SLCO5A1: variants seen among roughly 807,000 people sequenced by gnomAD.
The protein encoded by SLCO5A1 is solute carrier organic anion transporter family member 5A1, also known as organic anion transporter polypeptide-related protein 4.
A neutral mutation model predicts 65.1 loss-of-function variants in SLCO5A1; 39 were observed. The ratio of observed to expected loss-of-function variants is 0.60; its 90% CI spans 0.46 to 0.78. The LOEUF (loss-of-function observed/expected upper bound fraction) is 0.78, where lower values mean the gene tolerates loss of function less well. Among genes scored for constraint, SLCO5A1 ranks in the 30% least tolerant of loss-of-function variants. The probability of loss-of-function intolerance (pLI) is 0.00; values close to 1 mark genes in which losing one functional copy is unlikely to be tolerated. For synonymous variants in SLCO5A1, 438 were observed against 415.7 expected (o/e 1.05, Z -0.65); for missense variants, 1,029 against 1,069.4 (o/e 0.96, Z 0.53).
chr8:69,825,264 G>C (rs1331665017), intron 2 of SLCO5A1, among the ~76,000 whole-genome samples: 1 of 152,094 alleles, frequency 6.6e-6, no homozygotes, highest in Non-Finnish European at 1.5e-5. Context: ...CATAGTGTTG[G>C]GAAGTTCTGG....
intron 8 of SLCO5A1, among the ~76,000 whole-genome samples, chr8:69,677,248 T>C (rs1444376061): frequency 6.6e-6 from 1 of 152,232 alleles, no homozygotes; most frequent in Non-Finnish European, 1.5e-5. Flanking sequence ...TAAAAACTTA[T>C]ACTCCAAGTT....
intron 2 of SLCO5A1, among the ~76,000 whole-genome samples, chr8:69,828,608 AAAAG>A (rs1283029923): frequency 6.4e-5 from 9 of 141,374 alleles, no homozygotes; most frequent in Admixed American, 2.1e-4. Flanking sequence ...CTCAAAAAAA[AAAAG>A]AAAAGAAAAG....
At chr8:69,730,849 G>A (rs1454923547) in intron 5 of SLCO5A1, among the ~76,000 whole-genome samples, 1 of 152,044 alleles carries the variant, frequency 6.6e-6, no homozygotes, top group African/African-American at 2.4e-5. Context: ...TGGAGAGCTC[G>A]GCTGTTGAAA....
intron 4 of SLCO5A1, among the ~76,000 whole-genome samples, chr8:69,754,135 G>C (rs1487884262): frequency 6.6e-6 from 1 of 151,958 alleles, no homozygotes; most frequent in Non-Finnish European, 1.5e-5. Flanking sequence ...TCTACAATAG[G>C]TTCACAAAAA....
At chr8:69,757,461 C>A (rs1298395580) in intron 3 of SLCO5A1, among the ~76,000 whole-genome samples, 1 of 151,998 alleles carries the variant, frequency 6.6e-6, no homozygotes, top group African/African-American at 2.4e-5. Context: ...GGTGGATCAC[C>A]TGAGGTCAGG....
At chr8:69,691,687 C>T (rs966973452) in intron 6 of SLCO5A1, among the ~76,000 whole-genome samples, 2 of 152,104 alleles carry the variant, frequency 1.3e-5, no homozygotes, top group Non-Finnish European at 2.9e-5. Context: ...AATAGTGTTC[C>T]ATTGTATGTA....
chr8:69,674,054 C>T (rs1405188889), intron 9 of SLCO5A1, among the ~76,000 whole-genome samples: 1 of 152,172 alleles, frequency 6.6e-6, no homozygotes. Context: ...ACATGCTACT[C>T]CCTTTACCAA....
intron 2 of SLCO5A1, among the ~76,000 whole-genome samples, chr8:69,771,867 T>C (rs1818334520): frequency 6.6e-6 from 1 of 152,226 alleles, no homozygotes; most frequent in Admixed American, 6.5e-5. Flanking sequence ...AAATGTGAGT[T>C]CTAATTCAAG....
intron 5 of SLCO5A1, among the ~76,000 whole-genome samples, chr8:69,715,787 C>T (rs1168595694): frequency 1.3e-5 from 2 of 152,134 alleles, no homozygotes; most frequent in Non-Finnish European, 2.9e-5. Flanking sequence ...ACTAATTAGA[C>T]ATATTGTGTT....
chr8:69,686,114 CT>C (rs1813988245), intron 6 of SLCO5A1, among the ~76,000 whole-genome samples: 1 of 151,844 alleles, frequency 6.6e-6, no homozygotes, highest in Non-Finnish European at 1.5e-5. Flanking sequence ...AGTCCCCTAA[CT>C]TTTTTAAGGG....
intron 2 of SLCO5A1, among the ~76,000 whole-genome samples, chr8:69,787,911 A>G (rs1819107860): frequency 6.6e-6 from 1 of 151,998 alleles, no homozygotes; most frequent in African/African-American, 2.4e-5. Flanking sequence ...ACTTAAAAAC[A>G]CTCTTTTTAC....
intron 2 of SLCO5A1, among the ~76,000 whole-genome samples, chr8:69,776,561 G>A (rs938403390): frequency 6.6e-6 from 1 of 152,038 alleles, no homozygotes; most frequent in African/African-American, 2.4e-5. Context: ...ATGATGACAT[G>A]CATCTGTAGT....
intron 2 of SLCO5A1, among the ~76,000 whole-genome samples, chr8:69,784,895 G>GA (rs1563722996): frequency 4.7e-5 from 4 of 84,972 alleles, no homozygotes; most frequent in Non-Finnish European, 9.0e-5. Flanking sequence ...AAGAAGAAAG[G>GA]AAGAAAGAAA....
At chr8:69,793,152 TTG>T (rs1462149156) in intron 2 of SLCO5A1, among the ~76,000 whole-genome samples, 2 of 152,028 alleles carry the variant, frequency 1.3e-5, no homozygotes, top group African/African-American at 4.8e-5. Context: ...CAGCCACTTT[TTG>T]TGTGTTTTTA....
intron 6 of SLCO5A1, among the ~76,000 whole-genome samples, chr8:69,689,519 G>C (rs924817499): frequency 7.1e-6 from 1 of 140,738 alleles, no homozygotes; most frequent in African/African-American, 2.8e-5. Flanking sequence ...TTTTGTATAA[G>C]GTGTAAGGAA....
intron 2 of SLCO5A1, among the ~76,000 whole-genome samples, chr8:69,786,286 A>C (rs763030384): frequency 6.6e-6 from 1 of 152,208 alleles, no homozygotes; most frequent in Non-Finnish European, 1.5e-5. Flanking sequence ...TTCATATGTG[A>C]CAACTGTTTA....
chr8:69,741,057 C>T (rs754166665), intron 4 of SLCO5A1, among the ~76,000 whole-genome samples: 11 of 151,826 alleles, frequency 7.2e-5, no homozygotes, highest in Non-Finnish European at 1.2e-4. Flanking sequence ...CAAGGTGACA[C>T]TCTGCTTTCT....
chr8:69,784,933 A>G (rs1818984314), intron 2 of SLCO5A1, among the ~76,000 whole-genome samples: 1 of 145,786 alleles, frequency 6.9e-6, no homozygotes, highest in Admixed American at 6.8e-5. Context: ...AAAGAAAGAA[A>G]GAAAGAAAGA....
intron 5 of SLCO5A1, among the ~76,000 whole-genome samples, chr8:69,732,837 C>T (rs1039235830): frequency 2.0e-5 from 3 of 151,764 alleles, no homozygotes; most frequent in African/African-American, 7.3e-5. Flanking sequence ...TGCAGTGAGC[C>T]GAGTTCACGG....
Sources: gnomAD v4.1 joint callset for allele counts (sites outside exome capture counted in the v4.1 genomes callset) on GRCh38, gnomAD v4.1.1 for gene constraint, MANE v1.5 for transcripts, NCBI Gene and HGNC (gene_info 2026-07-23, HGNC 2026-07-21) for gene names.